Variants in UBE2H observed in about 807,000 individuals in gnomAD.
UBE2H encodes the protein ubiquitin conjugating enzyme E2 H, also known as ubiquitin-conjugating enzyme E2 H.
UBE2H carries 3 observed loss-of-function variants against 29.0 expected under a neutral mutation model. The observed-to-expected ratio is 0.10, with a 90% CI of 0.05 to 0.27. The LOEUF (loss-of-function observed/expected upper bound fraction) is 0.27, where lower values mean the gene tolerates loss of function less well. UBE2H is among the 10% of genes least tolerant of loss of function. The pLI, the probability that UBE2H is intolerant of heterozygous loss-of-function variation, is 1.00. For missense variants in UBE2H, 68 were observed against 228.2 expected (o/e 0.30, Z 4.52); for synonymous variants, 69 against 82.9 (o/e 0.83, Z 0.91).
intron 5 of UBE2H, among the ~76,000 whole-genome samples, chr7:129,845,332 C>G (rs1211636525): frequency 6.6e-6 from 1 of 152,158 alleles, no homozygotes; most frequent in East Asian, 1.9e-4. Context: ...ATACAGACAT[C>G]TGTGTGCAAA....
At chr7:129,856,042 C>T (rs1012761247) in intron 5 of UBE2H, among the ~76,000 whole-genome samples, 1 of 152,086 alleles carries the variant, frequency 6.6e-6, no homozygotes, top group Non-Finnish European at 1.5e-5. Flanking sequence ...AAGGTGCTAA[C>T]CACACAAAGA....
At chr7:129,903,880 G>A (rs1224528971) in intron 1 of UBE2H, among the ~76,000 whole-genome samples, 2 of 152,114 alleles carry the variant, frequency 1.3e-5, no homozygotes, top group Non-Finnish European at 1.5e-5. Context: ...CTCCAGCCTC[G>A]GCAATAGAGT....
chr7:129,835,052 T>C lies in UBE2H; in HGVS notation c.437A>G (p.Gln146Arg). 2 of 1,614,152 alleles carry C rather than the reference T, an allele frequency of 1.2e-6. No homozygotes were observed. The highest frequency in any genetic ancestry group is 2.2e-5 in the East Asian group (1 of 44,878). Residue 146 changes from glutamine to arginine, a missense_variant, in exon 7 of 7, where the codon CAG becomes CGG. Around this residue, in one of 3 missense-constraint regions of UBE2H, gnomAD observed 25 missense variants for 32.4 expected, o/e 0.77. Coordinates refer to ENST00000355621, the MANE Select transcript of UBE2H (RefSeq NM_003344.4). Reference sequence around the variant, plus strand: ...CAGCGCCTCCTCCGTGGCGTATTTCTGGATGTACTCTGCACGGGGTGGGAG... The same window carrying C: ...CAGCGCCTCCTCCGTGGCGTATTTCCGGATGTACTCTGCACGGGGTGGGAG... ...EYKQKIKEYI[Q>R]KYATEEALKE...
At chr7:129,923,959 G>T (rs1428328321) in intron 1 of UBE2H, among the ~76,000 whole-genome samples, 2 of 152,170 alleles carry the variant, frequency 1.3e-5, no homozygotes, top group Non-Finnish European at 2.9e-5. Context: ...TCTACCATCC[G>T]TAACAACAGC....
chr7:129,942,482 C>T (rs1351552286), intron 1 of UBE2H, among the ~76,000 whole-genome samples: 1 of 152,076 alleles, frequency 6.6e-6, no homozygotes, highest in Non-Finnish European at 1.5e-5. Context: ...AGTGAAACTC[C>T]GTCTCTCACA....
intron 1 of UBE2H, among the ~76,000 whole-genome samples, chr7:129,929,175 G>A (rs1807335793): frequency 6.6e-6 from 1 of 152,134 alleles, no homozygotes; most frequent in Non-Finnish European, 1.5e-5. Flanking sequence ...AAAATTAGCT[G>A]GCGTGGTGGC....
chr7:129,852,123 A>C (rs2727461), intron 5 of UBE2H, among the ~76,000 whole-genome samples: 146,481 of 152,246 alleles, frequency 0.96, 70,628 homozygotes, highest in East Asian at 1. Context: ...ATCATCCATG[A>C]AGACACATAC....
intron 1 of UBE2H, among the ~76,000 whole-genome samples, chr7:129,950,337 C>T (rs1807848985): frequency 6.6e-6 from 1 of 152,106 alleles, no homozygotes; most frequent in Non-Finnish European, 1.5e-5. Context: ...AAGGCCAATG[C>T]ATCTTTGCCT....
intron 1 of UBE2H, among the ~76,000 whole-genome samples, chr7:129,914,134 C>T (rs945794100): frequency 6.6e-6 from 1 of 151,952 alleles, no homozygotes; most frequent in Non-Finnish European, 1.5e-5. Flanking sequence ...TGCCAGCAGA[C>T]AACGTATCAA....
intron 1 of UBE2H, among the ~76,000 whole-genome samples, chr7:129,888,363 G>A (rs531064275): frequency 4.6e-5 from 7 of 152,346 alleles, no homozygotes; most frequent in Admixed American, 1.3e-4. Flanking sequence ...TATGTATAAA[G>A]ATTTAGGGAC....
intron 6 of UBE2H, among the ~76,000 whole-genome samples, chr7:129,835,712 G>A (rs747532112): frequency 5.3e-5 from 8 of 152,116 alleles, no homozygotes; most frequent in African/African-American, 9.7e-5. Flanking sequence ...CTGCTGAAAC[G>A]GCTTTTAAGA....
chr7:129,848,404 CTGTCTAAGGTATT>C (rs1209609292), intron 5 of UBE2H, among the ~76,000 whole-genome samples: 2 of 152,200 alleles, frequency 1.3e-5, no homozygotes, highest in East Asian at 3.8e-4. Context: ...ATAGTCACTA[CTGTCTAAGGTATT>C]TATCTGTTCT....
intron 1 of UBE2H, among the ~76,000 whole-genome samples, chr7:129,944,660 T>C (rs1487899007): frequency 6.6e-6 from 1 of 151,640 alleles, no homozygotes; most frequent in Non-Finnish European, 1.5e-5. Flanking sequence ...TGAACTCTCA[T>C]CTGGGCAACA....
rs1337496303 is a variant in UBE2H, at chr7:129,888,398, T to C, written c.54-7427A>G. Among the ~76,000 whole-genome samples, 4 of 152,182 alleles carry C rather than the reference T, an allele frequency of 2.6e-5. No individual in the cohort carries two copies. The South Asian group carries it at 6.2e-4, about 24-fold the overall frequency. On this transcript the variant is annotated intron_variant, in intron 1 of 6. Transcript: ENST00000355621. ...CCATTGCAGTGGCTCACAACTGTTA[T>C]CCTAGCACTTCAGGAGGCTGAGGTG... is the stretch of plus-strand genomic sequence containing the variant.
At chr7:129,863,381 G>A (rs1805837184) in intron 3 of UBE2H, among the ~76,000 whole-genome samples, 1 of 152,034 alleles carries the variant, frequency 6.6e-6, no homozygotes, top group Non-Finnish European at 1.5e-5. Context: ...GCAGGCCCTG[G>A]GCAAGTCACT....
At chr7:129,908,357 C>CA (rs1339474634) in intron 1 of UBE2H, among the ~76,000 whole-genome samples, 1 of 152,138 alleles carries the variant, frequency 6.6e-6, no homozygotes, top group African/African-American at 2.4e-5. Flanking sequence ...TGACAATGCA[C>CA]AAAAAATTCC....
chr7:129,929,373 G>C (rs1807341654), intron 1 of UBE2H, among the ~76,000 whole-genome samples: 1 of 147,892 alleles, frequency 6.8e-6, no homozygotes, highest in Non-Finnish European at 1.5e-5. Flanking sequence ...CGTAGCTCAA[G>C]AACTGAACTG....
At position 129,901,685 on chromosome 7, in the gene UBE2H, C is replaced by T. The variant is rs1563040173; in HGVS notation, c.54-20714G>A. Among the ~76,000 whole-genome samples, 3 of 152,112 alleles carry T rather than the reference C, an allele frequency of 2.0e-5. No individual in the cohort carries two copies. The South Asian group carries it at 6.2e-4, about 32-fold the overall frequency. On this transcript the variant is annotated intron_variant, in intron 1 of 6. Coordinates refer to ENST00000355621, the MANE Select transcript of UBE2H (RefSeq NM_003344.4). ...TCTCAGCTCACTGCAACCTCTGCCT[C>T]CCGGGTTCAAGCGATTCTCCTGCCT...
chr7:129,893,781 T>C (rs1231783677), intron 1 of UBE2H, among the ~76,000 whole-genome samples: 3 of 152,214 alleles, frequency 2.0e-5, no homozygotes, highest in African/African-American at 4.8e-5. Context: ...CAAATTTACA[T>C]AATGTACAAA....
Sources: allele counts gnomAD v4.1 joint callset (sites outside exome capture counted in the v4.1 genomes callset), GRCh38; gene constraint gnomAD v4.1.1; regional missense constraint gnomAD v4.1.1; transcripts MANE v1.5; gene names NCBI Gene and HGNC (gene_info 2026-07-23, HGNC 2026-07-21).